CSMD1: variants seen among roughly 807,000 people sequenced by gnomAD.
CSMD1 encodes CUB and Sushi multiple domains 1, also known as CUB and sushi domain-containing protein 1.
A neutral mutation model predicts 417.5 loss-of-function variants in CSMD1; 213 were observed. That is an observed-to-expected ratio of 0.51 (90% CI 0.46 to 0.57). CSMD1 has a LOEUF of 0.57. Ranked by LOEUF, CSMD1 falls within the 20% of genes least tolerant of loss-of-function variation. CSMD1 has a pLI of 0.00. For missense variants in CSMD1, 6,923 were observed against 4,529.7 expected, an observed-to-expected ratio of 1.53 and a Z score of -15.17; for synonymous variants, 2,862 against 1,736.8, an observed-to-expected ratio of 1.65 and a Z score of -16.11.
intron 40 of CSMD1, among the ~76,000 whole-genome samples, chr8:3,145,760 T>G (rs985211483): frequency 6.6e-6 from 1 of 152,242 alleles, no homozygotes; most frequent in African/African-American, 2.4e-5. Flanking sequence ...TATCCTTCTA[T>G]TGTCTCAGAG....
chr8:3,575,170 TAAAA>T (rs11352452), intron 9 of CSMD1, 104 bp from the exon 10 acceptor site: 12,147 of 797,814 alleles, frequency 0.015, no homozygotes, highest in Middle Eastern at 0.022. Context: ...CTAATCACAG[TAAAA>T]AAAAAAAAAA....
intron 49 of CSMD1, among the ~76,000 whole-genome samples, chr8:3,059,407 C>G (rs1342457464): frequency 6.6e-6 from 1 of 152,108 alleles, no homozygotes; most frequent in South Asian, 2.1e-4. Flanking sequence ...AAGCAACATC[C>G]TCAGGACAGC....
chr8:4,410,213 T>C (rs563943662), intron 3 of CSMD1, among the ~76,000 whole-genome samples: 1 of 152,308 alleles, frequency 6.6e-6, no homozygotes, highest in Non-Finnish European at 1.5e-5. Flanking sequence ...CCAAACAGTT[T>C]AGGTAACTAA....
intron 3 of CSMD1, among the ~76,000 whole-genome samples, chr8:4,163,101 G>C (rs1314721733): frequency 1.3e-5 from 2 of 152,112 alleles, no homozygotes; most frequent in African/African-American, 4.8e-5. Flanking sequence ...ATATTCCATT[G>C]TCTGATACAC....
intron 2 of CSMD1, among the ~76,000 whole-genome samples, chr8:4,570,634 G>A (rs1005819204): frequency 3.3e-5 from 5 of 152,132 alleles, no homozygotes; most frequent in Non-Finnish European, 7.3e-5. Context: ...CCAGGTTTTG[G>A]TATTTGGATG....
chr8:3,831,924 C>T (rs527463264), intron 5 of CSMD1, among the ~76,000 whole-genome samples: 11 of 152,048 alleles, frequency 7.2e-5, no homozygotes, highest in Non-Finnish European at 1.6e-4. Context: ...TAAAATACCC[C>T]CCAGAGATTA....
intron 2 of CSMD1, among the ~76,000 whole-genome samples, chr8:4,533,733 A>T (rs1352361382): frequency 6.6e-6 from 1 of 152,004 alleles, no homozygotes; most frequent in Non-Finnish European, 1.5e-5. Context: ...CTAAAAATAC[A>T]ATGGAATTAG....
intron 7 of CSMD1, among the ~76,000 whole-genome samples, chr8:3,634,354 A>G (rs1796929987): frequency 6.6e-6 from 1 of 152,164 alleles, no homozygotes; most frequent in Non-Finnish European, 1.5e-5. Flanking sequence ...CTCTGTGACA[A>G]ACTCCAGTTA....
intron 11 of CSMD1, among the ~76,000 whole-genome samples, chr8:3,493,347 G>A (rs925392591): frequency 2.0e-5 from 3 of 148,238 alleles, no homozygotes. Context: ...AAAATTTATT[G>A]TTTTTTGCTA....
At chr8:3,139,466 A>T (rs1248981958) in intron 41 of CSMD1, among the ~76,000 whole-genome samples, 1 of 152,198 alleles carries the variant, frequency 6.6e-6, no homozygotes, top group Non-Finnish European at 1.5e-5. Flanking sequence ...ACCAGGAGAC[A>T]TGAGAAAGGA....
intron 3 of CSMD1, among the ~76,000 whole-genome samples, chr8:4,320,291 A>G (rs941333728): frequency 1.3e-5 from 2 of 152,230 alleles, no homozygotes; most frequent in East Asian, 1.9e-4. Context: ...AATGAATACA[A>G]GAGTGTTCAC....
intron 8 of CSMD1, among the ~76,000 whole-genome samples, chr8:3,596,735 G>A (rs1801112858): frequency 3.9e-5 from 6 of 151,916 alleles, no homozygotes; most frequent in Admixed American, 3.9e-4. Context: ...CCAGGAGGGT[G>A]GGCAAGAGAA....
At chr8:3,599,895 TC>T (rs1801280467) in intron 8 of CSMD1, among the ~76,000 whole-genome samples, 2 of 152,144 alleles carry the variant, frequency 1.3e-5, no homozygotes, top group South Asian at 4.1e-4. Context: ...TTGACTACCT[TC>T]CCCTTCCAGA....
At position 3,680,911 on chromosome 8, in the gene CSMD1, C is replaced by T. The variant is rs571235650; in HGVS notation, c.1009+27503G>A. The stretch of plus-strand genomic sequence containing the variant: ...ACGCAAATCAGTAAACGTAATCCAG[C>T]ATATAAACAGAACCAATGACAAAAA... On this transcript the variant is annotated intron_variant, in intron 7 of 69. Coordinates refer to ENST00000635120, the MANE Select transcript of CSMD1 (RefSeq NM_033225.6). Among the ~76,000 whole-genome samples, 401 of 152,260 alleles carry T rather than the reference C, an allele frequency of 2.6e-3. 1 individual carries two copies. Among genetic ancestry groups the T allele is most frequent in the African/African-American group, 9.3e-3 (385 of 41,536 alleles).
chr8:4,252,842 C>A (rs1231076002), intron 3 of CSMD1, among the ~76,000 whole-genome samples: 1 of 152,228 alleles, frequency 6.6e-6, no homozygotes, highest in Non-Finnish European at 1.5e-5. Flanking sequence ...ACTGGAGTTG[C>A]AGCAGCCTTC....
chr8:3,247,999 T>A (rs1298607149), intron 26 of CSMD1, among the ~76,000 whole-genome samples: 1 of 152,092 alleles, frequency 6.6e-6, no homozygotes, highest in African/African-American at 2.4e-5. Flanking sequence ...ACTTTCTACA[T>A]CAACATCATC....
chr8:4,897,469 G>C (rs1804572939), intron 1 of CSMD1, among the ~76,000 whole-genome samples: 1 of 151,984 alleles, frequency 6.6e-6, no homozygotes, highest in Non-Finnish European at 1.5e-5. Context: ...ATATCTTTAA[G>C]GAGTGGTTTG....
intron 49 of CSMD1, among the ~76,000 whole-genome samples, chr8:3,064,962 C>A (rs571619398): frequency 6.6e-6 from 1 of 151,940 alleles, no homozygotes; most frequent in East Asian, 1.9e-4. Context: ...ACTTTGAAAA[C>A]GAGTCTATTC....
At chr8:3,169,174 A>T (rs942943593) in intron 37 of CSMD1, among the ~76,000 whole-genome samples, 2 of 152,204 alleles carry the variant, frequency 1.3e-5, no homozygotes, top group Non-Finnish European at 1.5e-5. Context: ...ACACATGTGC[A>T]GGAATCATGC....
Sources: gnomAD v4.1 joint callset for allele counts (sites outside exome capture counted in the v4.1 genomes callset) on GRCh38, gnomAD v4.1.1 for gene constraint, MANE v1.5 for transcripts, NCBI Gene and HGNC (gene_info 2026-07-23, HGNC 2026-07-21) for gene names.